Variants in SMOC2 observed in about 807,000 individuals in gnomAD.
SMOC2 encodes SPARC-related modular calcium-binding protein 2.
In SMOC2, 39 loss-of-function variants were observed where a neutral mutation model predicts 61.4. The observed-to-expected ratio is 0.64, with a 90% CI of 0.49 to 0.83. The LOEUF (loss-of-function observed/expected upper bound fraction) is 0.83, where lower values mean the gene tolerates loss of function less well. Ranked by LOEUF, SMOC2 falls within the 40% of genes least tolerant of loss-of-function variation. SMOC2 has a pLI of 0.00. For synonymous variants in SMOC2, 247 were observed against 239.9 expected, an observed-to-expected ratio of 1.03 and a Z score of -0.27; for missense variants, 556 against 592.9, an observed-to-expected ratio of 0.94 and a Z score of 0.65.
chr6:168,643,930 C>T (rs1786958369), intron 9 of SMOC2, among the ~76,000 whole-genome samples: 1 of 152,214 alleles, frequency 6.6e-6, no homozygotes, highest in East Asian at 1.9e-4. Context: ...TGTAGTCCTG[C>T]CTCTGTGAAC....
chr6:168,577,711 G>A (rs867050983), intron 7 of SMOC2, among the ~76,000 whole-genome samples: 3 of 152,120 alleles, frequency 2.0e-5, no homozygotes, highest in African/African-American at 4.8e-5. Flanking sequence ...ACGCACTTTC[G>A]AATCTGGTTT....
intron 1 of SMOC2, among the ~76,000 whole-genome samples, chr6:168,494,783 G>A (rs1200242020): frequency 2.0e-5 from 3 of 152,194 alleles, no homozygotes; most frequent in Non-Finnish European, 4.4e-5. Flanking sequence ...AGCAGCTGAA[G>A]GGCAAGGGAG....
In SMOC2 at chr6:168,463,700, A is replaced by G. The variant is rs1214128583; in HGVS notation, c.84+22246A>G. Among the ~76,000 whole-genome samples the G allele has an allele frequency of 5.3e-5, 8 of 152,124 alleles. No individual in the cohort carries two copies. The South Asian group carries it at 1.7e-3, about 32-fold the overall frequency. ...AAACCCTGTGCTTACAGAGAGCATC[A>G]TCCTGAGAGAAGACTCTCCTAACAC... On this transcript the variant is annotated intron_variant, in intron 1 of 12. Coordinates refer to ENST00000356284, the MANE Select transcript of SMOC2 (RefSeq NM_001166412.2).
At chr6:168,508,800 T>C (rs1246260367) in intron 1 of SMOC2, among the ~76,000 whole-genome samples, 1 of 152,236 alleles carries the variant, frequency 6.6e-6, no homozygotes, top group Non-Finnish European at 1.5e-5. Flanking sequence ...GCACACCACG[T>C]CCAGAGGGCC....
In SMOC2 at chr6:168,453,294, C is replaced by T. The variant is rs940464842; in HGVS notation, c.84+11840C>T. On this transcript the variant is annotated intron_variant, in intron 1 of 12. Transcript: ENST00000356284. This position sits in a 1 kb window ranked among gnomAD's most constrained non-coding sequence, Gnocchi z 4.4. The stretch of plus-strand genomic sequence containing the variant: ...AGGGGGTGTGGTGGCCTCAAGGCTC[C>T]GTCACCCTGCGGCCCTGTCATTTCG... 3.3e-5 allele frequency among the ~76,000 whole-genome samples: 5 copies of T among 152,178 alleles called. No individual in the cohort carries two copies. Among genetic ancestry groups the T allele is most frequent in the Admixed American group, 1.3e-4 (2 of 15,282 alleles).
intron 9 of SMOC2, among the ~76,000 whole-genome samples, chr6:168,647,169 G>A (rs1562402526): frequency 6.6e-6 from 1 of 152,198 alleles, no homozygotes; most frequent in Non-Finnish European, 1.5e-5. Context: ...AACTTACTGT[G>A]AGTGGAACTG....
In SMOC2 at chr6:168,511,282, T is replaced by C. The variant is rs1783001730; in HGVS notation, c.256+1196T>C. Among the ~76,000 whole-genome samples, 3 of 152,194 alleles carry C rather than the reference T, an allele frequency of 2.0e-5. No homozygotes were observed. In the South Asian group the frequency reaches 6.2e-4, roughly 31 times the overall value. Reference sequence around the variant, plus strand: ...TACATTTATAAGGAAAGGTGTTTAATTGACTCATAGTTCTGCACAGCTGGG... The same window carrying C: ...TACATTTATAAGGAAAGGTGTTTAACTGACTCATAGTTCTGCACAGCTGGG... On this transcript the variant is annotated intron_variant, in intron 2 of 12. Transcript: ENST00000356284.
intron 9 of SMOC2, among the ~76,000 whole-genome samples, chr6:168,636,016 A>G (rs755005210): frequency 6.6e-6 from 1 of 152,176 alleles, no homozygotes; most frequent in African/African-American, 2.4e-5. Flanking sequence ...TTTGAAAGCA[A>G]TTTTACATAA....
chr6:168,664,867 T>G, intron 12 of SMOC2: 1 of 466,814 alleles, frequency 2.1e-6, no homozygotes, highest in Non-Finnish European at 4.5e-6. Flanking sequence ...ACTTCTTTGC[T>G]GCCGCGAGTC....
intron 2 of SMOC2, among the ~76,000 whole-genome samples, chr6:168,523,450 C>T (rs9295066): frequency 0.57 from 86,006 of 150,322 alleles, 27,710 homozygotes; most frequent in Non-Finnish European, 0.72. Context: ...TGCAGTGGTG[C>T]GATCTCAGCT....
chr6:168,477,931 T>C (rs1413764045), intron 1 of SMOC2, among the ~76,000 whole-genome samples: 4 of 152,228 alleles, frequency 2.6e-5, no homozygotes, highest in Admixed American at 6.5e-5. Context: ...GTGGGATTAC[T>C]GTCCCTAGCT....
intron 9 of SMOC2, among the ~76,000 whole-genome samples, chr6:168,614,457 T>G (rs1184650033): frequency 4.0e-4 from 8 of 19,792 alleles, no homozygotes; most frequent in Non-Finnish European, 3.6e-4. Context: ...AGCCAGCACA[T>G]GGAGCCTCTT....
intron 11 of SMOC2, among the ~76,000 whole-genome samples, chr6:168,654,203 G>A (rs112828854): frequency 0.14 from 3,700 of 25,842 alleles, 239 homozygotes; most frequent in Non-Finnish European, 0.16. Context: ...GCTCCAACCA[G>A]ATGTTAGGAA....
chr6:168,666,287 T>C lies in SMOC2; in HGVS notation c.1324-134T>C, dbSNP rs1583199708. On this transcript the variant is annotated intron_variant, in intron 12 of 12. Transcript: ENST00000356284. ...CCAAAATGTCTTCATTGTTTCTTACTCATACTTACACCTCACATGACCTGC... is the reference window on the plus strand; with the variant it reads ...CCAAAATGTCTTCATTGTTTCTTACCCATACTTACACCTCACATGACCTGC... The C allele has an allele frequency of 8.4e-6, 5 of 598,416 alleles. No individual in the cohort carries two copies. The South Asian group carries it at 8.7e-5, about 10-fold the overall frequency. The allele number at this position is 598,416 out of a possible 1,614,324, so 37.1% of individuals were successfully genotyped here.
In SMOC2 at chr6:168,519,680, G is replaced by A. The variant is rs779006382; in HGVS notation, c.257-6666G>A. Among the ~76,000 whole-genome samples the A allele has an allele frequency of 3.9e-5, 6 of 152,144 alleles. No individual in the cohort carries two copies. The East Asian group carries it at 7.7e-4, about 20-fold the overall frequency. ...TCATCAGCAGAGCAGGGGCCTCTCC[G>A]CACAGCCTAGGGAGCTTCTGCCCTC... On this transcript the variant is annotated intron_variant, in intron 2 of 12. Transcript: ENST00000356284.
chr6:168,577,063 C>A (rs1784820321), intron 7 of SMOC2, among the ~76,000 whole-genome samples: 1 of 152,204 alleles, frequency 6.6e-6, no homozygotes, highest in African/African-American at 2.4e-5. Context: ...GAAAACTATG[C>A]ACGTTTCAAA....
At chr6:168,480,940 A>C (rs1225443827) in intron 1 of SMOC2, among the ~76,000 whole-genome samples, 3 of 152,160 alleles carry the variant, frequency 2.0e-5, no homozygotes, top group Non-Finnish European at 1.5e-5. Flanking sequence ...AAAATCAAAA[A>C]CAAAACAATC....
intron 1 of SMOC2, among the ~76,000 whole-genome samples, chr6:168,458,914 G>GA (rs1441666367): frequency 3.9e-5 from 6 of 152,194 alleles, no homozygotes; most frequent in Non-Finnish European, 4.4e-5. Flanking sequence ...CTGTGTGTTG[G>GA]AAAATAGTGT....
At chr6:168,503,713 A>C (rs958211920) in intron 1 of SMOC2, among the ~76,000 whole-genome samples, 2 of 152,146 alleles carry the variant, frequency 1.3e-5, no homozygotes, top group Non-Finnish European at 2.9e-5. Context: ...CAGCGGCACC[A>C]CCCATTTGTG....
Sources: allele counts gnomAD v4.1 joint callset (sites outside exome capture counted in the v4.1 genomes callset), GRCh38; gene constraint gnomAD v4.1.1; non-coding constraint Gnocchi (gnomAD v3.1); transcripts MANE v1.5; gene names NCBI Gene and HGNC (gene_info 2026-07-23, HGNC 2026-07-21).